The following JMJD1C variants were observed in gnomAD, a reference collection of about 807,000 sequenced individuals.
JMJD1C encodes jumonji domain-containing protein 1C.
A neutral mutation model predicts 245.3 loss-of-function variants in JMJD1C; 31 were observed. The observed-to-expected ratio is 0.13, with a 90% CI of 0.09 to 0.17. The LOEUF is 0.17. JMJD1C is among the 10% of genes least tolerant of loss of function. The probability of loss-of-function intolerance (pLI) is 1.00; values close to 1 mark genes in which losing one functional copy is unlikely to be tolerated. For missense variants in JMJD1C, 2,691 were observed against 3,000.2 expected, an observed-to-expected ratio of 0.90 and a Z score of 2.41; for synonymous variants, 1,057 against 1,017.4, an observed-to-expected ratio of 1.04 and a Z score of -0.74.
intron 2 of JMJD1C, among the ~76,000 whole-genome samples, chr10:63,344,923 A>G (rs1411013497): frequency 6.6e-6 from 1 of 152,200 alleles, no homozygotes; most frequent in Non-Finnish European, 1.5e-5. Flanking sequence ...AAACATTTCA[A>G]GTGGGAATTA....
At chr10:63,255,605 C>T (rs1250930322) in intron 3 of JMJD1C, among the ~76,000 whole-genome samples, 1 of 152,156 alleles carries the variant, frequency 6.6e-6, no homozygotes, top group African/African-American at 2.4e-5. Flanking sequence ...CATCACAATA[C>T]TCACACCCTT....
At position 63,353,969 on chromosome 10, in the gene JMJD1C, T is replaced by A. The variant is rs558855099; in HGVS notation, c.333+26349A>T. Among the ~76,000 whole-genome samples the A allele has an allele frequency of 2.6e-5, 4 of 152,234 alleles. No individual in the cohort carries two copies. The South Asian group carries it at 8.3e-4, about 32-fold the overall frequency. On this transcript the variant is annotated intron_variant, in intron 2 of 25. Coordinates refer to ENST00000399262, the MANE Select transcript of JMJD1C (RefSeq NM_032776.3). ...AATTCTTCTGCCTCAGCCTCCTGGG[T>A]AGCTGGAACTACAGGCACACACCAC...
chr10:63,296,512 G>C (rs1859452024), intron 2 of JMJD1C, among the ~76,000 whole-genome samples: 1 of 152,054 alleles, frequency 6.6e-6, no homozygotes, highest in Non-Finnish European at 1.5e-5. Context: ...CAGAAAAACA[G>C]AACAATACAA....
chr10:63,259,682 A>ATG (rs1392968204), intron 3 of JMJD1C, among the ~76,000 whole-genome samples: 1 of 152,212 alleles, frequency 6.6e-6, no homozygotes, highest in African/African-American at 2.4e-5. Flanking sequence ...TTACTAGACA[A>ATG]TGTGTGAGTC....
intron 1 of JMJD1C, among the ~76,000 whole-genome samples, chr10:63,455,281 G>GT (rs1370751745): frequency 6.6e-6 from 1 of 152,102 alleles, no homozygotes; most frequent in East Asian, 1.9e-4. Flanking sequence ...TAAGATCACA[G>GT]TATCTGGGTA....
At chr10:63,357,866 C>CACACACACACACAG (rs1491307054) in intron 2 of JMJD1C, among the ~76,000 whole-genome samples, 15 of 137,866 alleles carry the variant, frequency 1.1e-4, no homozygotes, top group African/African-American at 3.2e-4. Flanking sequence ...CACACACACA[C>CACACACACACACAG]AGAGACAAAC....
chr10:63,176,709 C>T (rs1220885561), intron 23 of JMJD1C: 1 of 395,182 alleles, frequency 2.5e-6, no homozygotes, highest in Non-Finnish European at 4.6e-6. Flanking sequence ...TTCCTTCTCA[C>T]CACCTCCTTC....
intron 1 of JMJD1C, among the ~76,000 whole-genome samples, chr10:63,483,508 T>C (rs1953892012): frequency 6.6e-6 from 1 of 152,262 alleles, no homozygotes; most frequent in East Asian, 1.9e-4. Flanking sequence ...ACCCTCCATG[T>C]GACAACCAAA....
rs1935 is a variant in JMJD1C at position 63,168,063 on chromosome 10, C to G, written c.7605G>C (p.Glu2535Asp). The G allele has an allele frequency of 0.46, 733,942 of 1,584,334 alleles. 173,701 individuals are homozygous for G. Among genetic ancestry groups the G allele is most frequent in the South Asian group, 0.53 (48,138 of 90,332 alleles). ...ATCACACTTAATTTTCTTCCATATCCTCTACTTCATCCTCGTGTATCTTCA... is the reference window on the plus strand; with the variant it reads ...ATCACACTTAATTTTCTTCCATATCGTCTACTTCATCCTCGTGTATCTTCA... ...RALKIHEDEV[E>D]DMEEN The change falls in exon 26 of 26, where the codon GAG becomes GAC. Residue 2535 changes from glutamate to aspartate, a missense_variant. By Grantham distance (45) the Glu-to-Asp change is conservative. Transcript: ENST00000399262.
At chr10:63,323,726 T>G (rs1941185814) in intron 2 of JMJD1C, among the ~76,000 whole-genome samples, 1 of 152,212 alleles carries the variant, frequency 6.6e-6, no homozygotes, top group African/African-American at 2.4e-5. Context: ...TTGTGCATTC[T>G]CTCAATCTTC....
intron 2 of JMJD1C, among the ~76,000 whole-genome samples, chr10:63,359,499 G>T (rs1945144207): frequency 6.6e-6 from 1 of 152,058 alleles, no homozygotes; most frequent in African/African-American, 2.4e-5. Flanking sequence ...GTTTCTTTCT[G>T]CATTCCACAT....
intron 4 of JMJD1C, among the ~76,000 whole-genome samples, chr10:63,218,666 C>A (rs550496591): frequency 6.6e-6 from 1 of 151,982 alleles, no homozygotes; most frequent in Admixed American, 6.6e-5. Flanking sequence ...GACTATACTG[C>A]CCCTTAATCT....
intron 2 of JMJD1C, among the ~76,000 whole-genome samples, chr10:63,276,223 T>C (rs1856754664): frequency 6.6e-6 from 1 of 151,870 alleles, no homozygotes; most frequent in Non-Finnish European, 1.5e-5. Context: ...TCCCAGCACT[T>C]TGGGAGGCCG....
Position 63,209,248 on chromosome 10 carries a change from CAA to C in JMJD1C, c.2695-15_2695-14del. ...GACTGGGAGAATTCTATTAACAAAA[CAA>C]AACAAAAAAAACACCTAGATTTCAG... On this transcript the variant is annotated splice_polypyrimidine_tract_variant and intron_variant, in intron 8 of 25. Coordinates refer to ENST00000399262, the MANE Select transcript of JMJD1C (RefSeq NM_032776.3). 1 of 1,571,674 alleles carries C rather than the reference CAA, an allele frequency of 6.4e-7. No individual in the cohort carries two copies. Among genetic ancestry groups the C allele is most frequent in the Non-Finnish European group, 8.6e-7 (1 of 1,161,918 alleles).
intron 11 of JMJD1C, 116 bp from the exon 12 acceptor site, chr10:63,198,843 TA>T: frequency 1.8e-6 from 1 of 560,960 alleles, no homozygotes; most frequent in Non-Finnish European, 3.0e-6. Context: ...TGAATTACAT[TA>T]AAAACAGGAA....
chr10:63,358,350 T>C (rs968460920), intron 2 of JMJD1C, among the ~76,000 whole-genome samples: 4 of 152,038 alleles, frequency 2.6e-5, no homozygotes, highest in African/African-American at 9.7e-5. Context: ...CTAATTGTCA[T>C]GTTTGGATAA....
intron 2 of JMJD1C, among the ~76,000 whole-genome samples, chr10:63,284,214 T>C (rs1205008729): frequency 2.0e-5 from 3 of 151,960 alleles, no homozygotes; most frequent in African/African-American, 7.3e-5. Flanking sequence ...TTAGTAGATA[T>C]GGGGTTTCAC....
At chr10:63,425,257 T>TA (rs570060725) in intron 1 of JMJD1C, among the ~76,000 whole-genome samples, 345 of 152,274 alleles carry the variant, frequency 2.3e-3, no homozygotes, top group Non-Finnish European at 3.9e-3. Context: ...CCTTAAATTA[T>TA]AAAAAATTTT....
At chr10:63,179,136 G>C (rs1443137097) in intron 22 of JMJD1C, among the ~76,000 whole-genome samples, 1 of 152,102 alleles carries the variant, frequency 6.6e-6, no homozygotes, top group Non-Finnish European at 1.5e-5. Context: ...GTGTGGCCGG[G>C]CGTGGGATTA....
Sources: allele counts gnomAD v4.1 joint callset (sites outside exome capture counted in the v4.1 genomes callset), GRCh38; gene constraint gnomAD v4.1.1; transcripts MANE v1.5; gene names NCBI Gene and HGNC (gene_info 2026-07-23, HGNC 2026-07-21).